Variants in YWHAQ observed in about 807,000 individuals in gnomAD.
YWHAQ encodes the protein tyrosine 3-monooxygenase/tryptophan 5-monooxygenase activation protein theta.
Under a neutral mutation model 28.3 loss-of-function variants are expected in YWHAQ, and 6 were observed. That is an observed-to-expected ratio of 0.21 (90% CI 0.12 to 0.42). The LOEUF (loss-of-function observed/expected upper bound fraction) is 0.42, where lower values mean the gene tolerates loss of function less well. YWHAQ is among the 10% of genes least tolerant of loss of function. The probability of loss-of-function intolerance (pLI) is 1.00; values close to 1 mark genes in which losing one functional copy is unlikely to be tolerated. For synonymous variants in YWHAQ, 143 were observed against 119.1 expected, an observed-to-expected ratio of 1.20 and a Z score of -1.31; for missense variants, 201 against 305.6, an observed-to-expected ratio of 0.66 and a Z score of 2.55.
intron 2 of YWHAQ, among the ~76,000 whole-genome samples, chr2:9,618,582 C>G (rs898858903): frequency 4.1e-4 from 63 of 152,118 alleles, no homozygotes; most frequent in African/African-American, 1.5e-3. Context: ...AGACGGATCA[C>G]TGCAGCCTAA....
chr2:9,619,918 G>C (rs1371089329), intron 2 of YWHAQ, among the ~76,000 whole-genome samples: 1 of 152,178 alleles, frequency 6.6e-6, no homozygotes, highest in Non-Finnish European at 1.5e-5. Context: ...AAAATCCTGT[G>C]AGCTGCATTC....
Position 9,609,499 on chromosome 2 carries a change from G to A in YWHAQ, c.295-17984C>T, listed in dbSNP as rs569586738. The stretch of plus-strand genomic sequence containing the variant: ...GAGAGAACAGAAAGAATGAAGATGA[G>A]ATGTTATTCTGGGATAATGGCCGAG... On this transcript the variant is annotated intron_variant, in intron 2 of 5. Coordinates refer to ENST00000238081, the MANE Select transcript of YWHAQ (RefSeq NM_006826.4). 2.5e-4 allele frequency among the ~76,000 whole-genome samples: 38 copies of A among 152,220 alleles called. 1 individual carries two copies. The East Asian group carries it at 7.0e-3, about 28-fold the overall frequency.
At chr2:9,626,137 C>T (rs1331314137) in intron 2 of YWHAQ, among the ~76,000 whole-genome samples, 3 of 152,128 alleles carry the variant, frequency 2.0e-5, no homozygotes, top group Non-Finnish European at 4.4e-5. Context: ...TTAAAAATTG[C>T]GATATGCACT....
chr2:9,626,482 T>C (rs947977546), intron 2 of YWHAQ, among the ~76,000 whole-genome samples: 2 of 152,228 alleles, frequency 1.3e-5, no homozygotes, highest in African/African-American at 4.8e-5. Flanking sequence ...CAGGCTGGAG[T>C]GCAGTGGCAC....
At chr2:9,619,893 T>C (rs1667111042) in intron 2 of YWHAQ, among the ~76,000 whole-genome samples, 1 of 152,216 alleles carries the variant, frequency 6.6e-6, no homozygotes, top group Non-Finnish European at 1.5e-5. Flanking sequence ...TTAACAACTG[T>C]AGCTTTTAAG....
At chr2:9,585,912 C>CAAAAAAAAA (rs34640890) in intron 5 of YWHAQ, among the ~76,000 whole-genome samples, 1 of 122,124 alleles carries the variant, frequency 8.2e-6, no homozygotes, top group Non-Finnish European at 1.7e-5. Context: ...GATCCTTTCT[C>CAAAAAAAAA]AAAAAAAAAA....
chr2:9,608,991 G>A (rs1024527205), intron 2 of YWHAQ, among the ~76,000 whole-genome samples: 8 of 152,112 alleles, frequency 5.3e-5, no homozygotes, highest in African/African-American at 1.2e-4. Flanking sequence ...CTCAAGGGAC[G>A]GATTCTCTAT....
intron 2 of YWHAQ, among the ~76,000 whole-genome samples, chr2:9,607,190 C>G (rs1233071252): frequency 6.9e-6 from 1 of 144,424 alleles, no homozygotes; most frequent in Non-Finnish European, 1.5e-5. Context: ...TAATATTTTT[C>G]TATTACTTTT....
chr2:9,588,592 G>A (rs1469192376), intron 3 of YWHAQ, among the ~76,000 whole-genome samples: 1 of 152,034 alleles, frequency 6.6e-6, no homozygotes, highest in Non-Finnish European at 1.5e-5. Context: ...CCAACATGGC[G>A]AAACCCCATC....
At chr2:9,623,697 C>T (rs1018501617) in intron 2 of YWHAQ, among the ~76,000 whole-genome samples, 3 of 152,118 alleles carry the variant, frequency 2.0e-5, no homozygotes, top group Admixed American at 6.5e-5. Flanking sequence ...TGCTTGAACC[C>T]GGAGGCAGAG....
chr2:9,591,248 A>G, intron 3 of YWHAQ, 144 bp downstream of exon 3: 2 of 1,023,512 alleles, frequency 2.0e-6, no homozygotes, highest in Non-Finnish European at 1.3e-6. Context: ...TTTTGAGAAC[A>G]TAAGGTAATA....
At position 9,619,740 on chromosome 2, in the gene YWHAQ, C is replaced by T. The variant is rs184469159; in HGVS notation, c.294+10419G>A. Among the ~76,000 whole-genome samples the T allele has an allele frequency of 1.4e-4, 21 of 152,290 alleles. 1 individual carries two copies. The highest frequency in any genetic ancestry group is 1.4e-3 in the Admixed American group (21 of 15,300). ...AGAGTATTTTAAATCCGTAATGTAA[C>T]CTTTCCAACCTCTTATCCATCAGAA... On this transcript the variant is annotated intron_variant, in intron 2 of 5. Transcript: ENST00000238081.
intron 5 of YWHAQ, among the ~76,000 whole-genome samples, chr2:9,585,550 A>G (rs1410687168): frequency 6.6e-6 from 1 of 152,172 alleles, no homozygotes; most frequent in Non-Finnish European, 1.5e-5. Flanking sequence ...ATGCACTTAC[A>G]AAATGACATA....
intron 2 of YWHAQ, among the ~76,000 whole-genome samples, chr2:9,601,382 C>A (rs568829432): frequency 2.9e-4 from 44 of 152,138 alleles, no homozygotes; most frequent in African/African-American, 9.4e-4. Flanking sequence ...CTGCTTGAAC[C>A]CAGGAGGCAG....
intron 2 of YWHAQ, among the ~76,000 whole-genome samples, chr2:9,608,146 C>T (rs987686299): frequency 2.6e-5 from 4 of 152,092 alleles, no homozygotes; most frequent in African/African-American, 7.2e-5. Flanking sequence ...TTTCTGGTTC[C>T]GGCAACACAG....
In YWHAQ at chr2:9,630,486, G is replaced by T. The variant is rs1210301101; in HGVS notation, c.-34C>A. On this transcript the variant is annotated 5_prime_UTR_variant, in exon 2 of 6. Transcript: ENST00000238081. The surrounding 1 kb of genome is among the most constrained non-coding windows in gnomAD (Gnocchi z 5.6). ...CGGGGCCGGGGCCGGGGCGGAGGGC[G>T]AGGAGAGCGAGGGCGAGCGCCGACC... 2 of 1,544,224 alleles carry T rather than the reference G, an allele frequency of 1.3e-6. No individual in the cohort carries two copies. Among genetic ancestry groups the T allele is most frequent in the Non-Finnish European group, 1.7e-6 (2 of 1,148,916 alleles).
intron 2 of YWHAQ, among the ~76,000 whole-genome samples, chr2:9,602,214 G>C (rs1029763311): frequency 6.6e-6 from 1 of 152,034 alleles, no homozygotes; most frequent in Admixed American, 6.6e-5. Flanking sequence ...ATCACTTGTA[G>C]CCAGGAGTTC....
At chr2:9,616,577 T>A (rs901390843) in intron 2 of YWHAQ, among the ~76,000 whole-genome samples, 22 of 146,062 alleles carry the variant, frequency 1.5e-4, no homozygotes, top group South Asian at 4.3e-4. Context: ...ATAATATATT[T>A]AAAAAAAAAA....
At chr2:9,601,628 AC>A (rs1172314924) in intron 2 of YWHAQ, among the ~76,000 whole-genome samples, 2 of 152,232 alleles carry the variant, frequency 1.3e-5, no homozygotes, top group Non-Finnish European at 2.9e-5. Context: ...GCCATCCATA[AC>A]TAAGAGCAGT....
Sources: allele counts gnomAD v4.1 joint callset (sites outside exome capture counted in the v4.1 genomes callset), GRCh38; gene constraint gnomAD v4.1.1; non-coding constraint Gnocchi (gnomAD v3.1); transcripts MANE v1.5; gene names NCBI Gene and HGNC (gene_info 2026-07-23, HGNC 2026-07-21).